Variants in MAGI1 observed in about 807,000 individuals in gnomAD.
MAGI1 encodes the protein membrane-associated guanylate kinase, WW and PDZ domain-containing protein 1.
A neutral mutation model predicts 139.9 loss-of-function variants in MAGI1; 58 were observed. The observed-to-expected ratio is 0.41, with a 90% CI of 0.34 to 0.52. MAGI1 has a LOEUF of 0.52. Ranked by LOEUF, MAGI1 falls within the 20% of genes least tolerant of loss-of-function variation. The pLI is 0.12. For synonymous variants in MAGI1, 812 were observed against 737.9 expected (o/e 1.10, Z -1.63); for missense variants, 1,874 against 1,901.6 (o/e 0.99, Z 0.27).
intron 1 of MAGI1, among the ~76,000 whole-genome samples, chr3:65,994,273 C>CAAAAAAAAAAAA (rs35940908): frequency 2.7e-5 from 3 of 109,412 alleles, no homozygotes; most frequent in African/African-American, 1.2e-4. Context: ...GACTCCATCT[C>CAAAAAAAAAAAA]AAAAAAAAAA....
At chr3:65,637,521 T>G (rs1423465182) in intron 1 of MAGI1, among the ~76,000 whole-genome samples, 1 of 148,112 alleles carries the variant, frequency 6.8e-6, no homozygotes, top group Non-Finnish European at 1.5e-5. Flanking sequence ...ATCACTGCAT[T>G]TCAGCCTAGG....
intron 1 of MAGI1, among the ~76,000 whole-genome samples, chr3:65,694,241 G>T (rs2088942492): frequency 1.3e-5 from 2 of 152,164 alleles, no homozygotes; most frequent in Non-Finnish European, 2.9e-5. Context: ...AGCCATAGCA[G>T]CTGTGGTTAT....
chr3:65,738,692 C>T (rs2034995136), intron 1 of MAGI1, among the ~76,000 whole-genome samples: 1 of 152,214 alleles, frequency 6.6e-6, no homozygotes, highest in South Asian at 2.1e-4. Context: ...CATTCATCTC[C>T]ATGTACATCT....
chr3:65,565,335 C>T (rs1204671860), intron 2 of MAGI1, among the ~76,000 whole-genome samples: 2 of 152,086 alleles, frequency 1.3e-5, no homozygotes, highest in South Asian at 2.1e-4. Context: ...TATAGCCAAA[C>T]CTAGTATGTC....
intron 2 of MAGI1, among the ~76,000 whole-genome samples, chr3:65,524,269 C>T (rs1427145497): frequency 2.0e-5 from 3 of 152,114 alleles, no homozygotes; most frequent in Admixed American, 6.6e-5. Context: ...TATCTGGAAA[C>T]GATGGAGTCT....
chr3:65,996,371 T>C (rs916851773), intron 1 of MAGI1, among the ~76,000 whole-genome samples: 5 of 152,156 alleles, frequency 3.3e-5, no homozygotes, highest in African/African-American at 1.2e-4. Context: ...AGTGCAACAC[T>C]TCATTTTTTT....
At chr3:65,724,643 A>T (rs1405452746) in intron 1 of MAGI1, among the ~76,000 whole-genome samples, 1 of 152,184 alleles carries the variant, frequency 6.6e-6, no homozygotes, top group East Asian at 1.9e-4. Flanking sequence ...TGCTGCTCTA[A>T]GGGCATACCT....
rs1377971983 is a variant in MAGI1, at chr3:65,429,584, T to C, written c.2103A>G (p.Gln701=). The C allele has an allele frequency of 6.2e-7, 1 of 1,613,902 alleles. No homozygotes were observed. Among genetic ancestry groups the C allele is most frequent in the South Asian group, 1.1e-5 (1 of 91,080 alleles). Residue 701 remains glutamine (Q), a synonymous_variant, in exon 12 of 23, where the codon CAA becomes CAG. Coordinates refer to ENST00000402939, the MANE Select transcript of MAGI1 (RefSeq NM_001033057.2). ...KKNVQALTHN[Q]VVDMLVECPK... ...GACACTCAACCAGCATATCCACCAC[T>C]TGGTTGTGAGTTAGGGCCTGCACGT...
intron 1 of MAGI1, among the ~76,000 whole-genome samples, chr3:65,887,119 T>C (rs746734322): frequency 1.3e-5 from 2 of 152,152 alleles, no homozygotes; most frequent in African/African-American, 4.8e-5. Flanking sequence ...AAAATAAGTA[T>C]GTATGCCATC....
At chr3:65,611,680 T>C (rs1205771319) in intron 2 of MAGI1, among the ~76,000 whole-genome samples, 2 of 134,116 alleles carry the variant, frequency 1.5e-5, no homozygotes, top group Non-Finnish European at 3.3e-5. Flanking sequence ...ATACTATATA[T>C]AGTGTCATAC....
chr3:65,453,174 C>CGACTCTTTAAAATT, intron 6 of MAGI1, 84 bp downstream of exon 6: 2 of 1,192,922 alleles, frequency 1.7e-6, no homozygotes, highest in Non-Finnish European at 2.5e-6. Flanking sequence ...TAAGACCCGA[C>CGACTCTTTAAAATT]TGACCTGGCT....
intron 7 of MAGI1, among the ~76,000 whole-genome samples, chr3:65,444,866 G>A (rs534461856): frequency 6.6e-6 from 1 of 152,128 alleles, no homozygotes; most frequent in East Asian, 1.9e-4. Context: ...AAATTGAAAA[G>A]ATAGTTTCTC....
chr3:65,684,868 ATTTT>A (rs761948943), intron 1 of MAGI1, among the ~76,000 whole-genome samples: 40 of 98,168 alleles, frequency 4.1e-4, no homozygotes, highest in African/African-American at 2.1e-3. Context: ...CACCTGGCTA[ATTTT>A]TTTTTTTTTT....
At chr3:65,447,886 G>C in intron 7 of MAGI1, 136 bp downstream of exon 7, 1 of 1,028,512 alleles carries the variant, frequency 9.7e-7, no homozygotes, top group East Asian at 2.4e-5. Context: ...ACCTTTCCTG[G>C]ATAAGCTAGA....
intron 1 of MAGI1, among the ~76,000 whole-genome samples, chr3:65,640,726 C>G (rs1000240225): frequency 6.6e-6 from 1 of 152,180 alleles, no homozygotes; most frequent in Non-Finnish European, 1.5e-5. Context: ...GAATATATTG[C>G]TTATATACTG....
intron 5 of MAGI1, among the ~76,000 whole-genome samples, chr3:65,454,738 T>A (rs576071436): frequency 7.3e-6 from 1 of 137,114 alleles, no homozygotes; most frequent in African/African-American, 3.0e-5. Context: ...AAAAAAAACA[T>A]ATGGCTTAAG....
intron 5 of MAGI1, among the ~76,000 whole-genome samples, chr3:65,455,503 G>T (rs576252680): frequency 2.2e-4 from 33 of 152,238 alleles, no homozygotes; most frequent in Middle Eastern, 3.4e-3. Context: ...TTGAGCTCAG[G>T]AGTTCAAAAC....
rs138074594 is a variant in MAGI1 at position 65,705,073 on chromosome 3, A to C, written c.314-82985T>G. ...CTTATATTACTTTCATACAAATACTAGATAGGACAGAAATGCAGAGAATTT... is the reference window on the plus strand; with the variant it reads ...CTTATATTACTTTCATACAAATACTCGATAGGACAGAAATGCAGAGAATTT... On this transcript the variant is annotated intron_variant, in intron 1 of 22. Coordinates refer to ENST00000402939, the MANE Select transcript of MAGI1 (RefSeq NM_001033057.2). 2.0e-5 allele frequency among the ~76,000 whole-genome samples: 3 copies of C among 152,194 alleles called. No homozygotes were observed. In the East Asian group the frequency reaches 5.8e-4, roughly 29 times the overall value.
Position 66,038,863 on chromosome 3 carries a change from T to G in MAGI1, c.-555A>C, listed in dbSNP as rs961132687. The G allele has an allele frequency of 1.3e-5, 2 of 152,042 alleles. No homozygotes were observed. The highest frequency in any genetic ancestry group is 2.9e-5 in the Non-Finnish European group (2 of 68,020). The allele number at this position is 152,042 out of a possible 1,614,324, so 9.4% of individuals were successfully genotyped here. A position where few individuals can be genotyped will look rare whatever the true frequency, so the allele number is the denominator to read the frequency against. ...AAGGCTCGGCTTGTTTTGTTACAGTTCATTCTATTCCGCGCCGCGGAGCGC... is the reference window on the plus strand; with the variant it reads ...AAGGCTCGGCTTGTTTTGTTACAGTGCATTCTATTCCGCGCCGCGGAGCGC... On this transcript the variant is annotated 5_prime_UTR_variant, in exon 1 of 23. Transcript: ENST00000402939.
Sources: allele counts gnomAD v4.1 joint callset (sites outside exome capture counted in the v4.1 genomes callset), GRCh38; gene constraint gnomAD v4.1.1; transcripts MANE v1.5; gene names NCBI Gene and HGNC (gene_info 2026-07-23, HGNC 2026-07-21).